Variants in TOX3 observed in about 807,000 individuals in gnomAD.
TOX3 encodes the protein CAG trinucleotide repeat-containing gene F9 protein.
TOX3 carries 22 observed loss-of-function variants against 64.3 expected under a neutral mutation model. That is an observed-to-expected ratio of 0.34 (90% CI 0.24 to 0.49). The LOEUF (loss-of-function observed/expected upper bound fraction) is 0.49, where lower values mean the gene tolerates loss of function less well. Among genes scored for constraint, TOX3 ranks in the 20% least tolerant of loss-of-function variants. The pLI is 0.99. For missense variants in TOX3, 661 were observed against 714.4 expected (o/e 0.93, Z 0.85); for synonymous variants, 291 against 273.6 (o/e 1.06, Z -0.63).
intron 1 of TOX3, among the ~76,000 whole-genome samples, chr16:52,491,278 G>A (rs1334988850): frequency 6.6e-6 from 1 of 151,804 alleles, no homozygotes; most frequent in African/African-American, 2.4e-5. Flanking sequence ...AACATCCAAT[G>A]GGGTGAGCTC....
intron 1 of TOX3, among the ~76,000 whole-genome samples, chr16:52,489,347 T>C (rs1353902941): frequency 6.6e-6 from 1 of 152,160 alleles, no homozygotes; most frequent in African/African-American, 2.4e-5. Context: ...TCTGTCCCCC[T>C]TCACCTTTAA....
intron 5 of TOX3, chr16:52,444,777 A>G (rs1960114854): frequency 6.5e-6 from 1 of 154,512 alleles, no homozygotes; most frequent in South Asian, 2.1e-4. Context: ...TCTTTCCCTC[A>G]GATACCTTTC....
At chr16:52,480,585 C>G (rs894875414) in intron 1 of TOX3, among the ~76,000 whole-genome samples, 8 of 152,098 alleles carry the variant, frequency 5.3e-5, no homozygotes, top group African/African-American at 1.4e-4. Flanking sequence ...AAATGAAAAC[C>G]TTTTAACGAA....
intron 1 of TOX3, among the ~76,000 whole-genome samples, chr16:52,490,391 T>C (rs929308457): frequency 6.6e-6 from 1 of 152,132 alleles, no homozygotes; most frequent in African/African-American, 2.4e-5. Context: ...TAGTTCTTTA[T>C]AGCAGTGTGA....
intron 1 of TOX3, among the ~76,000 whole-genome samples, chr16:52,542,030 T>C (rs915082698): frequency 6.6e-6 from 1 of 152,248 alleles, no homozygotes; most frequent in Admixed American, 6.5e-5. Flanking sequence ...AACGGATCCA[T>C]ATCAACTCAG....
intron 1 of TOX3, among the ~76,000 whole-genome samples, chr16:52,517,118 C>T (rs1239149779): frequency 6.6e-6 from 1 of 152,158 alleles, no homozygotes; most frequent in Non-Finnish European, 1.5e-5. Context: ...AGGGGAGCTA[C>T]CATAATACAT....
At chr16:52,465,006 T>TTTTTTTC in intron 2 of TOX3, among the ~76,000 whole-genome samples, 2 of 41,248 alleles carry the variant, frequency 4.8e-5, no homozygotes, top group Admixed American at 3.4e-4. Flanking sequence ...TAATGCATTC[T>TTTTTTTC]TTTTTTTTTT....
At chr16:52,477,699 A>G (rs923502854) in intron 1 of TOX3, among the ~76,000 whole-genome samples, 6 of 152,212 alleles carry the variant, frequency 3.9e-5, no homozygotes, top group East Asian at 1.9e-4. Context: ...GCTAGGGGTC[A>G]TTGTGTACAA....
At position 52,446,007 on chromosome 16, in the gene TOX3, T is replaced by A. The variant is rs1960151048; in HGVS notation, c.893A>T (p.Glu298Val). 2 of 1,613,414 alleles carry A rather than the reference T, an allele frequency of 1.2e-6. No homozygotes were observed. The highest frequency in any genetic ancestry group is 1.3e-5 in the African/African-American group (1 of 74,920). Residue 298 changes from glutamate to valine, a missense_variant, in exon 5 of 7, where the codon GAA (glutamate) becomes GTA (valine). Physicochemically the swap from Glu to Val is moderately radical, Grantham distance 121. Around this residue, in one of 3 missense-constraint regions of TOX3, gnomAD observed 103 missense variants for 161.2 expected, o/e 0.64. Transcript: ENST00000219746. The stretch of plus-strand genomic sequence containing the variant: ...TCTTTGTCTCACCTGCTTTTGTTCT[T>A]CTCCAAGGCTGTCCCACATAGATGC... ...IVASMWDSLGEEQKQVYKRKT... is the reference protein window; with the variant it reads ...IVASMWDSLGVEQKQVYKRKT...
intron 1 of TOX3, among the ~76,000 whole-genome samples, chr16:52,506,143 T>G (rs973261557): frequency 6.6e-6 from 1 of 152,142 alleles, no homozygotes; most frequent in African/African-American, 2.4e-5. Context: ...TTTATACACA[T>G]CCAATATTTT....
chr16:52,453,432 C>G (rs990131725), intron 3 of TOX3, among the ~76,000 whole-genome samples: 3 of 152,228 alleles, frequency 2.0e-5, no homozygotes, highest in African/African-American at 7.2e-5. Context: ...GATCTGCCAG[C>G]CTCGGCCTCC....
intron 1 of TOX3, among the ~76,000 whole-genome samples, chr16:52,509,722 A>G (rs916702340): frequency 6.6e-6 from 1 of 152,224 alleles, no homozygotes; most frequent in African/African-American, 2.4e-5. Context: ...ACATGTGCAC[A>G]CACAAACAGG....
At chr16:52,497,078 C>A (rs1237537401) in intron 1 of TOX3, among the ~76,000 whole-genome samples, 1 of 152,092 alleles carries the variant, frequency 6.6e-6, no homozygotes, top group Non-Finnish European at 1.5e-5. Flanking sequence ...TAACATAAAA[C>A]TTTTATTGCT....
chr16:52,444,359 A>G lies in TOX3; in HGVS notation c.907-3T>C. 1 of 1,563,602 alleles carries G rather than the reference A, an allele frequency of 6.4e-7. No individual in the cohort carries two copies. Among genetic ancestry groups the G allele is most frequent in the South Asian group, 1.2e-5 (1 of 84,484 alleles). ...GCTTCTGTTTTCCTTTTATATACCT[A>G]TTAAAAGACCACAATTAGCACCACC... On this transcript the variant is annotated splice_region_variant and splice_polypyrimidine_tract_variant and intron_variant, in intron 5 of 6. Transcript: ENST00000219746.
intron 1 of TOX3, among the ~76,000 whole-genome samples, chr16:52,484,493 C>T (rs112912948): frequency 2.0e-5 from 3 of 152,030 alleles, no homozygotes; most frequent in African/African-American, 7.2e-5. Flanking sequence ...TAATCTCCAT[C>T]GGCATGAAGC....
intron 3 of TOX3, among the ~76,000 whole-genome samples, chr16:52,459,319 G>A (rs1347512478): frequency 6.6e-6 from 1 of 151,512 alleles, no homozygotes; most frequent in African/African-American, 2.4e-5. Flanking sequence ...TAAAAAATAT[G>A]TAAAATTAAA....
chr16:52,450,573 A>T (rs376277351), intron 3 of TOX3, 27 bp from the exon 4 acceptor site: 2 of 1,612,676 alleles, frequency 1.2e-6, no homozygotes, highest in African/African-American at 2.7e-5. Context: ...AAAGGGGGAA[A>T]ATATTTCAGC....
chr16:52,492,129 T>G (rs1268732691), intron 1 of TOX3, among the ~76,000 whole-genome samples: 1 of 151,680 alleles, frequency 6.6e-6, no homozygotes, highest in East Asian at 1.9e-4. Context: ...GTACAATGAA[T>G]TCTAACATCA....
At chr16:52,499,875 C>T (rs1403160163) in intron 1 of TOX3, among the ~76,000 whole-genome samples, 2 of 152,222 alleles carry the variant, frequency 1.3e-5, no homozygotes, top group Admixed American at 6.5e-5. Flanking sequence ...CTTTCCAAGT[C>T]ACTTCTCCAT....
Sources: gnomAD v4.1 joint callset for allele counts (sites outside exome capture counted in the v4.1 genomes callset) on GRCh38, gnomAD v4.1.1 for gene constraint, gnomAD v4.1.1 regional missense constraint, MANE v1.5 for transcripts, NCBI Gene and HGNC (gene_info 2026-07-23, HGNC 2026-07-21) for gene names.